CXXC5: variants seen among roughly 807,000 people sequenced by gnomAD.
CXXC5 encodes the protein CXXC-type zinc finger protein 5.
CXXC5 carries 2 observed loss-of-function variants against 17.6 expected under a neutral mutation model. That is an observed-to-expected ratio of 0.11 (90% CI 0.05 to 0.36). The LOEUF (loss-of-function observed/expected upper bound fraction) is 0.36, where lower values mean the gene tolerates loss of function less well. CXXC5 is among the 10% of genes least tolerant of loss of function. The pLI, the probability that CXXC5 is intolerant of heterozygous loss-of-function variation, is 1.00. For synonymous variants in CXXC5, 171 were observed against 193.0 expected (o/e 0.89, Z 0.94); for missense variants, 343 against 458.3 (o/e 0.75, Z 2.30).
chr5:139,682,431 A>G (rs996662310), intron 2 of CXXC5, among the ~76,000 whole-genome samples: 1 of 151,458 alleles, frequency 6.6e-6, no homozygotes, highest in African/African-American at 2.4e-5. Context: ...GCACACACAC[A>G]TAGACACGGC....
upstream of CXXC5, chr5:139,647,763 A>G (rs1754947017): frequency 1.3e-5 from 2 of 152,172 alleles, no homozygotes; most frequent in Admixed American, 6.5e-5. Context: ...TCCTCACCTG[A>G]GAAATGGGAA....
rs1344722983 is a variant in CXXC5, at chr5:139,668,035, C to A, written c.-160-12329C>A. Among the ~76,000 whole-genome samples, 1 of 152,022 alleles carries A rather than the reference C, an allele frequency of 6.6e-6. No homozygotes were observed. The highest frequency in any genetic ancestry group is 2.1e-4 in the South Asian group (1 of 4,824). On this transcript the variant is annotated intron_variant, in intron 1 of 2. Transcript: ENST00000302517. This position sits in a 1 kb window ranked among gnomAD's most constrained non-coding sequence, Gnocchi z 4.1. ...TTTTTGCTGCAGGGTCCCACCTGCC[C>A]GAGGCCTCCCAGCCCCTCTCATCCC...
At chr5:139,651,366 A>AG (rs1295454919) in intron 1 of CXXC5, among the ~76,000 whole-genome samples, 1 of 117,400 alleles carries the variant, frequency 8.5e-6, no homozygotes, top group Non-Finnish European at 1.7e-5. Flanking sequence ...TGGAATGTCC[A>AG]CCCAGCTGGG....
intron 1 of CXXC5, among the ~76,000 whole-genome samples, chr5:139,667,949 G>A (rs1279745909): frequency 6.6e-6 from 1 of 152,134 alleles, no homozygotes; most frequent in Non-Finnish European, 1.5e-5. Context: ...GCTCTGGTGT[G>A]CTGAAAAGAA....
Position 139,680,213 on chromosome 5 carries a change from A to G in CXXC5, c.-160-151A>G, listed in dbSNP as rs1757099346. Among the ~76,000 whole-genome samples, 3 of 152,356 alleles carry G rather than the reference A, an allele frequency of 2.0e-5. No individual in the cohort carries two copies. The South Asian group carries it at 6.2e-4, about 32-fold the overall frequency. On this transcript the variant is annotated intron_variant, in intron 1 of 2. Coordinates refer to ENST00000302517, the MANE Select transcript of CXXC5 (RefSeq NM_016463.9). ...TCTTAACTGAGATAGTACAAATAAGAAATTTCTCACCAGGATGGATCTGGT... is the reference window on the plus strand; with the variant it reads ...TCTTAACTGAGATAGTACAAATAAGGAATTTCTCACCAGGATGGATCTGGT...
intron 1 of CXXC5, among the ~76,000 whole-genome samples, chr5:139,674,741 G>A (rs919051664): frequency 6.6e-6 from 1 of 152,202 alleles, no homozygotes; most frequent in Non-Finnish European, 1.5e-5. Context: ...CCAGCCAGGC[G>A]CAGTGGCTCA....
At chr5:139,673,839 C>CA (rs752672843) in intron 1 of CXXC5, among the ~76,000 whole-genome samples, 3,681 of 64,798 alleles carry the variant, frequency 0.057, 72 homozygotes, top group African/African-American at 0.099. Context: ...AGACTCTTGT[C>CA]AAAAAAAAAA....
rs1029555856 is a variant in CXXC5, at chr5:139,661,303, C to T, written c.-161+12458C>T. Among the ~76,000 whole-genome samples the T allele has an allele frequency of 9.9e-5, 15 of 152,190 alleles. No homozygotes were observed. Among genetic ancestry groups the T allele is most frequent in the Non-Finnish European group, 1.6e-4 (11 of 68,036 alleles). The stretch of plus-strand genomic sequence containing the variant: ...TCCCCAGCAGCCCCGAGAGGCCCTG[C>T]GGCCTGGCAGTTAGAGTGCACACTC... On this transcript the variant is annotated intron_variant, in intron 1 of 2. Coordinates refer to ENST00000302517, the MANE Select transcript of CXXC5 (RefSeq NM_016463.9). The surrounding 1 kb of genome is among the most constrained non-coding windows in gnomAD (Gnocchi z 4.7).
intron 1 of CXXC5, among the ~76,000 whole-genome samples, chr5:139,653,319 G>A (rs1298215496): frequency 6.6e-6 from 1 of 152,146 alleles, no homozygotes; most frequent in African/African-American, 2.4e-5. Flanking sequence ...AGGGGGTTGT[G>A]CCCCCACAAC....
intron 1 of CXXC5, among the ~76,000 whole-genome samples, chr5:139,660,593 T>C (rs1388680565): frequency 6.6e-6 from 1 of 151,958 alleles, no homozygotes; most frequent in African/African-American, 2.4e-5. Flanking sequence ...CAGAGCTGAG[T>C]AATGCTTGGT....
In CXXC5 at chr5:139,683,046, T is replaced by TTA. The variant is rs1222782595; in HGVS notation, c.*149_*150dup. The TTA allele has an allele frequency of 2.5e-5, 16 of 637,798 alleles. No homozygotes were observed. Among genetic ancestry groups the TTA allele is most frequent in the Non-Finnish European group, 3.5e-5 (15 of 431,526 alleles). The allele number at this position is 637,798 out of a possible 1,614,324, so 39.5% of individuals were successfully genotyped here. A position where few individuals can be genotyped will look rare whatever the true frequency, so the allele number is the denominator to read the frequency against. On this transcript the variant is annotated 3_prime_UTR_variant, in exon 3 of 3. Coordinates refer to ENST00000302517, the MANE Select transcript of CXXC5 (RefSeq NM_016463.9). ...TCTCTCACAGATTTCATTCCTGTTT[T>TTA]TATATATATATTTTTTGTTGTCGTT...
At chr5:139,669,695 TACTC>T (rs757891862) in intron 1 of CXXC5, among the ~76,000 whole-genome samples, 1 of 151,998 alleles carries the variant, frequency 6.6e-6, no homozygotes, top group Non-Finnish European at 1.5e-5. Context: ...GTCACACCCA[TACTC>T]ACGCTTTACT....
Position 139,680,512 on chromosome 5 carries a change from C to T in CXXC5, c.-12C>T, listed in dbSNP as rs1294731128. On this transcript the variant is annotated 5_prime_UTR_variant, in exon 2 of 3. Coordinates refer to ENST00000302517, the MANE Select transcript of CXXC5 (RefSeq NM_016463.9). ...GCTCCCTCTGCAGTGGGGTCTGGGC[C>T]TCGGCCCCACCATGTCGAGCCTCGG... The T allele has an allele frequency of 1.9e-6, 3 of 1,546,814 alleles. No individual in the cohort carries two copies. The highest frequency in any genetic ancestry group is 1.8e-4 in the Middle Eastern group (1 of 5,414).
At chr5:139,673,452 C>T (rs1756590669) in intron 1 of CXXC5, among the ~76,000 whole-genome samples, 1 of 152,146 alleles carries the variant, frequency 6.6e-6, no homozygotes, top group Non-Finnish European at 1.5e-5. Flanking sequence ...CCCTAGAGCC[C>T]CAGGTCAGAG....
chr5:139,673,205 G>A (rs935791103), intron 1 of CXXC5, among the ~76,000 whole-genome samples: 1 of 152,154 alleles, frequency 6.6e-6, no homozygotes, highest in African/African-American at 2.4e-5. Context: ...TGGGTATGAG[G>A]ATAACATGAG....
At chr5:139,650,216 C>T (rs926287050) in intron 1 of CXXC5, among the ~76,000 whole-genome samples, 6 of 152,182 alleles carry the variant, frequency 3.9e-5, no homozygotes, top group Non-Finnish European at 8.8e-5. Context: ...AAGTCTCCCG[C>T]GACGGGGGTC....
rs1242733760 is a variant in CXXC5, at chr5:139,663,260, A to AC, written c.-161+14420dup. Among the ~76,000 whole-genome samples, 3 of 152,158 alleles carry AC rather than the reference A, an allele frequency of 2.0e-5. No individual in the cohort carries two copies. The East Asian group carries it at 5.8e-4, about 29-fold the overall frequency. On this transcript the variant is annotated intron_variant, in intron 1 of 2. Coordinates refer to ENST00000302517, the MANE Select transcript of CXXC5 (RefSeq NM_016463.9). The surrounding 1 kb of genome is among the most constrained non-coding windows in gnomAD (Gnocchi z 4.2). Reference sequence around the variant, plus strand: ...AGTTTCAAGGCTTTCTCTGTCTCCCACCCCCTATGCTCACACAGCAAGGCT... The same window carrying AC: ...AGTTTCAAGGCTTTCTCTGTCTCCCACCCCCCTATGCTCACACAGCAAGGCT...
rs1755918553 is a variant in CXXC5 at position 139,663,227 on chromosome 5, C to G, written c.-161+14382C>G. On this transcript the variant is annotated intron_variant, in intron 1 of 2. Transcript: ENST00000302517. The surrounding 1 kb of genome is among the most constrained non-coding windows in gnomAD (Gnocchi z 4.2). ...CTAATATCAGAGGGAGCAGAGAGAG[C>G]CGACTGTAGTTTCAAGGCTTTCTCT... 6.6e-6 allele frequency among the ~76,000 whole-genome samples: 1 copy of G among 152,112 alleles called. No individual in the cohort carries two copies. The highest frequency in any genetic ancestry group is 1.5e-5 in the Non-Finnish European group (1 of 68,024).
rs543591272 is a variant in CXXC5 at position 139,668,472 on chromosome 5, C to G, written c.-160-11892C>G. ...TTAGGCCCGGCTACCTCCCGCGCCG[C>G]CCACTGCCCGCTCCAGGCCCGCTGC... On this transcript the variant is annotated intron_variant, in intron 1 of 2. Coordinates refer to ENST00000302517, the MANE Select transcript of CXXC5 (RefSeq NM_016463.9). This position sits in a 1 kb window ranked among gnomAD's most constrained non-coding sequence, Gnocchi z 4.1. 4.6e-5 allele frequency among the ~76,000 whole-genome samples: 7 copies of G among 152,218 alleles called. No homozygotes were observed. The highest frequency in any genetic ancestry group is 1.7e-4 in the African/African-American group (7 of 41,550).
Sources: allele counts gnomAD v4.1 joint callset (sites outside exome capture counted in the v4.1 genomes callset), GRCh38; gene constraint gnomAD v4.1.1; non-coding constraint Gnocchi (gnomAD v3.1); transcripts MANE v1.5; gene names NCBI Gene and HGNC (gene_info 2026-07-23, HGNC 2026-07-21).